Variants in TMEM164 observed in about 807,000 individuals in gnomAD.
TMEM164 encodes the protein transmembrane protein 164.
In TMEM164, 4 loss-of-function variants were observed where a neutral mutation model predicts 18.8. That is an observed-to-expected ratio of 0.21 (90% CI 0.10 to 0.49). TMEM164 has a LOEUF of 0.49. Among genes scored for constraint, TMEM164 ranks in the 20% least tolerant of loss-of-function variants. The pLI, the probability that TMEM164 is intolerant of heterozygous loss-of-function variation, is 0.98. For synonymous variants in TMEM164, 86 were observed against 101.7 expected, an observed-to-expected ratio of 0.85 and a Z score of 0.93; for missense variants, 108 against 239.9, an observed-to-expected ratio of 0.45 and a Z score of 3.63.
intron 2 of TMEM164, among the ~76,000 whole-genome samples, chrX:110,007,201 G>T (rs900969796): frequency 9.8e-5 from 11 of 112,298 alleles, no homozygotes; most frequent in African/African-American, 3.6e-4. Flanking sequence ...AACTGTAGTA[G>T]CATAAGGAAG....
chrX:110,005,088 A>G, intron 2 of TMEM164, among the ~76,000 whole-genome samples: 1 of 112,118 alleles, frequency 8.9e-6, no homozygotes. Context: ...TGGGAGAGCA[A>G]TCAGTCTTTT....
chrX:110,046,578 T>A, intron 2 of TMEM164: 1 of 583,320 alleles, frequency 1.7e-6, no homozygotes, highest in Non-Finnish European at 2.1e-6. Flanking sequence ...ATGCTGCCTG[T>A]TTGAGTTTCT....
intron 2 of TMEM164, among the ~76,000 whole-genome samples, chrX:110,029,558 A>G (rs60133578): frequency 0.022 from 2,468 of 112,393 alleles, 68 homozygotes; most frequent in African/African-American, 0.076. Flanking sequence ...AATAAAGTCT[A>G]TAGAAGACAG....
intron 2 of TMEM164, among the ~76,000 whole-genome samples, chrX:110,021,659 A>G (rs5985268): frequency 0.2 from 21,712 of 110,421 alleles, 2,633 homozygotes; most frequent in African/African-American, 0.45. Flanking sequence ...TGGAATACCA[A>G]TTTTAGTAGT....
chrX:110,135,005 C>T (rs770447573), intron 4 of TMEM164, among the ~76,000 whole-genome samples: 1 of 109,838 alleles, frequency 9.1e-6, no homozygotes, highest in Non-Finnish European at 1.9e-5. Context: ...TAACTTTTTT[C>T]ATCCTTTAAA....
chrX:110,019,121 T>G (rs1431266814), intron 2 of TMEM164, among the ~76,000 whole-genome samples: 1 of 111,436 alleles, frequency 9.0e-6, no homozygotes, highest in African/African-American at 3.3e-5. Flanking sequence ...CAAGAGGGCT[T>G]GAAAGCCATG....
At chrX:110,104,284 T>G (rs959745585) in intron 3 of TMEM164, among the ~76,000 whole-genome samples, 1 of 112,162 alleles carries the variant, frequency 8.9e-6, no homozygotes, top group Non-Finnish European at 1.9e-5. Context: ...TATAGCTGCC[T>G]CTTGCAGTGA....
chrX:110,160,058 C>T lies in TMEM164; in HGVS notation c.587-11362C>T, dbSNP rs780378280. The stretch of plus-strand genomic sequence containing the variant: ...TGCCCACACAGCTTTAGGCCCACAG[C>T]TTGGTCCTGCCTACAGCTGGTGACA... On this transcript the variant is annotated intron_variant, in intron 5 of 6. Transcript: ENST00000372068. Among the ~76,000 whole-genome samples the T allele has an allele frequency of 2.7e-5, 3 of 111,884 alleles. No homozygotes were observed. The South Asian group carries it at 1.1e-3, about 42-fold the overall frequency.
At chrX:110,135,679 T>C (rs2066681198) in intron 4 of TMEM164, among the ~76,000 whole-genome samples, 1 of 112,380 alleles carries the variant, frequency 8.9e-6, no homozygotes, top group Non-Finnish European at 1.9e-5. Flanking sequence ...TAAAAATTCC[T>C]AAGTTTTTAC....
chrX:110,089,437 C>T (rs1033720603), intron 3 of TMEM164, among the ~76,000 whole-genome samples: 63 of 111,449 alleles, frequency 5.7e-4, no homozygotes, highest in Non-Finnish European at 1.0e-3. Context: ...CCTCATGATC[C>T]ACCCACCTCA....
chrX:110,168,035 C>T (rs1024940860), intron 5 of TMEM164, among the ~76,000 whole-genome samples: 3 of 112,302 alleles, frequency 2.7e-5, no homozygotes, highest in African/African-American at 9.7e-5. Context: ...TTTCCTGCCA[C>T]CGCCTGTTGG....
chrX:110,052,754 T>G (rs1935619738), intron 2 of TMEM164, among the ~76,000 whole-genome samples: 1 of 96,954 alleles, frequency 1.0e-5, no homozygotes, highest in Non-Finnish European at 2.1e-5. Context: ...TGTTTTTTTT[T>G]TTTTTTTTTT....
intron 2 of TMEM164, among the ~76,000 whole-genome samples, chrX:110,011,252 G>A (rs748148962): frequency 8.9e-6 from 1 of 111,968 alleles, no homozygotes; most frequent in Non-Finnish European, 1.9e-5. Context: ...AGATGGACAA[G>A]GAAATAGATC....
intron 5 of TMEM164, among the ~76,000 whole-genome samples, chrX:110,146,792 G>C (rs1349167857): frequency 8.9e-6 from 1 of 112,102 alleles, no homozygotes; most frequent in African/African-American, 3.2e-5. Context: ...GAAACATCTG[G>C]ATTTCTTCAC....
intron 4 of TMEM164, among the ~76,000 whole-genome samples, chrX:110,127,921 A>G (rs1432800053): frequency 8.9e-6 from 1 of 112,666 alleles, no homozygotes; most frequent in Non-Finnish European, 1.9e-5. Flanking sequence ...AAAAGCAGCC[A>G]GGTATGCATG....
chrX:110,026,929 A>G (rs1252362943), intron 2 of TMEM164, among the ~76,000 whole-genome samples: 1 of 112,162 alleles, frequency 8.9e-6, no homozygotes, highest in Admixed American at 9.4e-5. Context: ...TAATTAATAC[A>G]TCTGAGGATT....
chrX:110,044,344 C>T (rs188661339), intron 2 of TMEM164, among the ~76,000 whole-genome samples: 1 of 112,566 alleles, frequency 8.9e-6, no homozygotes, highest in Non-Finnish European at 1.9e-5. Context: ...CCAGGAAATA[C>T]AACCTTTTAA....
chrX:110,105,228 C>CT (rs2066172689), intron 3 of TMEM164, among the ~76,000 whole-genome samples: 2 of 104,331 alleles, frequency 1.9e-5, no homozygotes, highest in African/African-American at 7.1e-5. Flanking sequence ...ATCTATCCAT[C>CT]TTGAGGCTTT....
intron 5 of TMEM164, among the ~76,000 whole-genome samples, chrX:110,160,491 A>C (rs2067078370): frequency 8.9e-6 from 1 of 112,377 alleles, no homozygotes; most frequent in African/African-American, 3.2e-5. Flanking sequence ...AAATTTTAAA[A>C]ATATTTTGGT....
Sources: allele counts gnomAD v4.1 joint callset (sites outside exome capture counted in the v4.1 genomes callset), GRCh38; gene constraint gnomAD v4.1.1; transcripts MANE v1.5; gene names NCBI Gene and HGNC (gene_info 2026-07-23, HGNC 2026-07-21).